CDK19: variants seen among roughly 807,000 people sequenced by gnomAD.
The protein encoded by CDK19 is cyclin dependent kinase 19.
CDK19 carries 20 observed loss-of-function variants against 68.3 expected under a neutral mutation model. That is an observed-to-expected ratio of 0.29 (90% confidence interval 0.21 to 0.43). CDK19 has a LOEUF of 0.43. Ranked by LOEUF, CDK19 falls within the 20% of genes least tolerant of loss-of-function variation. CDK19 has a pLI of 1.00. For synonymous variants in CDK19, 221 were observed against 222.8 expected, an observed-to-expected ratio of 0.99 and a Z score of 0.07; for missense variants, 339 against 623.5, an observed-to-expected ratio of 0.54 and a Z score of 4.86.
At chr6:110,622,195 T>C in intron 10 of CDK19, 29 bp from the exon 11 acceptor site, 1 of 1,431,126 alleles carries the variant, frequency 7.0e-7, no homozygotes, top group Non-Finnish European at 9.8e-7. Flanking sequence ...AAAAAACATA[T>C]CATGATCTAA....
At chr6:110,641,159 A>AG (rs547093730) in intron 4 of CDK19, among the ~76,000 whole-genome samples, 5 of 151,772 alleles carry the variant, frequency 3.3e-5, no homozygotes, top group Non-Finnish European at 7.3e-5. Flanking sequence ...TCACCATACT[A>AG]GAAAAAAAAA....
At chr6:110,746,312 CTCATTA>C in intron 1 of CDK19, 111 bp from the exon 2 acceptor site, 1 of 592,274 alleles carries the variant, frequency 1.7e-6, no homozygotes, top group Non-Finnish European at 2.9e-6. Flanking sequence ...TGTAAACATT[CTCATTA>C]TACCATGTAT....
chr6:110,638,630 T>G lies in CDK19; in HGVS notation c.514+19A>C, dbSNP rs756924911. 24 of 1,267,540 alleles carry G rather than the reference T, an allele frequency of 1.9e-5. No homozygotes were observed. Among genetic ancestry groups the G allele is most frequent in the African/African-American group, 2.9e-5 (2 of 67,880 alleles). 78.5% of individuals were successfully genotyped at this position (1,267,540 alleles called of 1,614,324 possible). ...TAACTTCAGTTTTTAAATAAATTATTTTAGGAATAATTACCTACCTATTTT... is the reference window on the plus strand; with the variant it reads ...TAACTTCAGTTTTTAAATAAATTATGTTAGGAATAATTACCTACCTATTTT... On this transcript the variant is annotated intron_variant, in intron 5 of 12. Coordinates refer to ENST00000368911, the MANE Select transcript of CDK19 (RefSeq NM_015076.5).
intron 1 of CDK19, among the ~76,000 whole-genome samples, chr6:110,799,903 T>C (rs967214746): frequency 6.6e-6 from 1 of 152,140 alleles, no homozygotes; most frequent in Admixed American, 6.6e-5. Context: ...GCACCTGACC[T>C]TGAATATTTT....
rs1780435564 is a variant in CDK19, at chr6:110,776,861, C to CA, written c.129-30661dup. ...CATAGAATGTTTGATGTGCCAGGCA[C>CA]AGTTCTAAGAGTTGTACAAGCACTA... On this transcript the variant is annotated intron_variant, in intron 1 of 12. Transcript: ENST00000368911. Among the ~76,000 whole-genome samples the CA allele has an allele frequency of 2.0e-5, 3 of 152,340 alleles. No individual in the cohort carries two copies. In the South Asian group the frequency reaches 6.2e-4, roughly 32 times the overall value.
At chr6:110,780,837 G>A (rs1003925661) in intron 1 of CDK19, among the ~76,000 whole-genome samples, 1 of 152,082 alleles carries the variant, frequency 6.6e-6, no homozygotes, top group African/African-American at 2.4e-5. Flanking sequence ...CCAGAGATGA[G>A]AAAGCAGACA....
At chr6:110,798,372 C>T (rs561487909) in intron 1 of CDK19, among the ~76,000 whole-genome samples, 1 of 152,192 alleles carries the variant, frequency 6.6e-6, no homozygotes, top group East Asian at 1.9e-4. Context: ...TGCCTGTGAT[C>T]CCAGCACTTT....
At chr6:110,777,056 T>C (rs1339760570) in intron 1 of CDK19, among the ~76,000 whole-genome samples, 2 of 152,190 alleles carry the variant, frequency 1.3e-5, no homozygotes, top group Non-Finnish European at 2.9e-5. Context: ...ATCCAGCCTA[T>C]GAAATTAAAA....
At chr6:110,702,224 T>C (rs990475751) in intron 2 of CDK19, among the ~76,000 whole-genome samples, 17 of 152,100 alleles carry the variant, frequency 1.1e-4, no homozygotes, top group African/African-American at 2.7e-4. Flanking sequence ...GGTAGGAGGA[T>C]TGCTTGAGCC....
intron 2 of CDK19, among the ~76,000 whole-genome samples, chr6:110,719,991 C>G (rs999778879): frequency 2.4e-5 from 3 of 123,784 alleles, no homozygotes; most frequent in Non-Finnish European, 3.5e-5. Context: ...CCCCCACCCC[C>G]CCCCTGCTTC....
Position 110,794,803 on chromosome 6 carries a change from G to GA in CDK19, c.128+20205dup, listed in dbSNP as rs552241844. On this transcript the variant is annotated intron_variant, in intron 1 of 12. Transcript: ENST00000368911. ...TTCAGAATAATATATATATATCTGTGAAAAAAAAAATCACCCATTCTTCCA... is the reference window on the plus strand; with the variant it reads ...TTCAGAATAATATATATATATCTGTGAAAAAAAAAAATCACCCATTCTTCCA... 2.2e-4 allele frequency among the ~76,000 whole-genome samples: 33 copies of GA among 148,108 alleles called. 1 individual carries two copies. The highest frequency in any genetic ancestry group is 2.0e-4 in the East Asian group (1 of 5,096).
intron 7 of CDK19, 59 bp from the exon 8 acceptor site, chr6:110,626,904 TTA>T (rs538107055): frequency 4.4e-6 from 6 of 1,368,212 alleles, no homozygotes; most frequent in South Asian, 1.3e-5. Context: ...AATCTCCTAA[TTA>T]TGTTAGTTTA....
At chr6:110,814,800 G>C (rs953101318) in intron 1 of CDK19, 15 of 695,186 alleles carry the variant, frequency 2.2e-5, no homozygotes, top group African/African-American at 1.5e-4. Context: ...ACCGGGCTGC[G>C]CCGCGGGAGT....
At position 110,622,805 on chromosome 6, in the gene CDK19, G is replaced by A; in HGVS notation, c.1031+10C>T. On this transcript the variant is annotated intron_variant, in intron 10 of 12. Transcript: ENST00000368911. ...TGGAGCAAAGGACACAGAAAAGACAGGATACATACTCTAATGTTGGCAAAG... is the reference window on the plus strand; with the variant it reads ...TGGAGCAAAGGACACAGAAAAGACAAGATACATACTCTAATGTTGGCAAAG... 1 of 1,547,000 alleles carries A rather than the reference G, an allele frequency of 6.5e-7. No homozygotes were observed. Among genetic ancestry groups the A allele is most frequent in the Non-Finnish European group, 8.9e-7 (1 of 1,118,668 alleles).
In CDK19 at chr6:110,617,662, TACACACAC is replaced by T. The variant is rs561387463; in HGVS notation, c.1378-3004_1378-2997del. On this transcript the variant is annotated intron_variant, in intron 12 of 12. Transcript: ENST00000368911. ...AATAATAAAATTATTTATATATATA[TACACACAC>T]ACACACACACACACACACACACACA... Among the ~76,000 whole-genome samples the T allele has an allele frequency of 3.7e-3, 398 of 107,146 alleles. 5 individuals carry two copies. Among genetic ancestry groups the T allele is most frequent in the African/African-American group, 0.01 (262 of 25,944 alleles). The allele number at this position is 107,146 out of a possible 152,430, so 70.3% of individuals were successfully genotyped here.
chr6:110,614,815 C>T (rs1384896128), intron 12 of CDK19, 149 bp from the exon 13 acceptor site: 1 of 693,292 alleles, frequency 1.4e-6, no homozygotes, highest in Non-Finnish European at 2.3e-6. Flanking sequence ...GTTGTTAACA[C>T]ATTTTGCTTA....
chr6:110,810,773 CAAA>C (rs931409889), intron 1 of CDK19, among the ~76,000 whole-genome samples: 1 of 122,494 alleles, frequency 8.2e-6, no homozygotes, highest in African/African-American at 3.1e-5. Flanking sequence ...AACTCCATCT[CAAA>C]AAAAAAAAAG....
chr6:110,614,515 C>T lies in CDK19; in HGVS notation c.*20G>A, dbSNP rs778179892. 1.2e-6 allele frequency: 2 copies of T among 1,611,350 alleles called. No individual in the cohort carries two copies. Among genetic ancestry groups the T allele is most frequent in the South Asian group, 1.1e-5 (1 of 90,950 alleles). Reference sequence around the variant, plus strand: ...GAGCCTGTGCTCTGGGCTGGGCTGGCCTGGCCCAACGGGAGCTGGTCAGTA... The same window carrying T: ...GAGCCTGTGCTCTGGGCTGGGCTGGTCTGGCCCAACGGGAGCTGGTCAGTA... On this transcript the variant is annotated 3_prime_UTR_variant, in exon 13 of 13. Transcript: ENST00000368911.
Position 110,811,280 on chromosome 6 carries a change from G to A in CDK19, c.128+3729C>T, listed in dbSNP as rs946043892. Among the ~76,000 whole-genome samples the A allele has an allele frequency of 2.9e-4, 44 of 152,156 alleles. 2 individuals are homozygous for A. The highest frequency in any genetic ancestry group is 4.4e-5 in the Non-Finnish European group (3 of 68,024). The stretch of plus-strand genomic sequence containing the variant: ...CAGGCAAATACTATTGTACCTATTA[G>A]CTATATGCATCTACATGTACTCATT... On this transcript the variant is annotated intron_variant, in intron 1 of 12. Coordinates refer to ENST00000368911, the MANE Select transcript of CDK19 (RefSeq NM_015076.5).
Sources: allele counts gnomAD v4.1 joint callset (sites outside exome capture counted in the v4.1 genomes callset), GRCh38; gene constraint gnomAD v4.1.1; transcripts MANE v1.5; gene names NCBI Gene and HGNC (gene_info 2026-07-23, HGNC 2026-07-21).